Variants in KIF1B observed in about 807,000 individuals in gnomAD.
KIF1B encodes kinesin family member 1B, also known as kinesin-like protein KIF1B.
A neutral mutation model predicts 241.9 loss-of-function variants in KIF1B; 76 were observed. That is an observed-to-expected ratio of 0.31 (90% confidence interval 0.26 to 0.38). The LOEUF (loss-of-function observed/expected upper bound fraction) is 0.38. Ranked by LOEUF, KIF1B falls within the 10% of genes least tolerant of loss-of-function variation. KIF1B has a pLI of 1.00. For synonymous variants in KIF1B, 750 were observed against 796.7 expected, an observed-to-expected ratio of 0.94 and a Z score of 0.99; for missense variants, 1,622 against 2,271.4, an observed-to-expected ratio of 0.71 and a Z score of 5.81.
Position 10,377,075 on chromosome 1 carries a change from T to C in KIF1B, c.*488T>C. The C allele has an allele frequency of 3.9e-6, 1 of 253,210 alleles. No homozygotes were observed. Among genetic ancestry groups the C allele is most frequent in the Non-Finnish European group, 7.8e-6 (1 of 127,812 alleles). 15.7% of individuals were successfully genotyped at this position (253,210 alleles called of 1,614,324 possible). ...TGATATCACTTTAATTTTTCTTGGG[T>C]GGCTTAGAGACTAAGGGAGGAGACA... On this transcript the variant is annotated 3_prime_UTR_variant, in exon 49 of 49. Coordinates refer to ENST00000676179, the MANE Select transcript of KIF1B (RefSeq NM_001365951.3).
rs1652230632 is a variant in KIF1B at position 10,337,653 on chromosome 1, T to C, written c.3422+120T>C. 2.7e-6 allele frequency: 3 copies of C among 1,123,632 alleles called. No individual in the cohort carries two copies. Among genetic ancestry groups the C allele is most frequent in the Admixed American group, 3.9e-5 (2 of 51,158 alleles). 69.6% of individuals were successfully genotyped at this position (1,123,632 alleles called of 1,614,324 possible). ...CACTCTTGAGACAAAGACTGATCAG[T>C]CTCTGAAGGAAAATACTTTCATCAC... On this transcript the variant is annotated intron_variant, in intron 31 of 48. Coordinates refer to ENST00000676179, the MANE Select transcript of KIF1B (RefSeq NM_001365951.3). The surrounding 1 kb of genome is among the most constrained non-coding windows in gnomAD (Gnocchi z 4.0).
intron 4 of KIF1B, among the ~76,000 whole-genome samples, chr1:10,261,399 T>C (rs1648137752): frequency 6.6e-6 from 1 of 151,672 alleles, no homozygotes; most frequent in Non-Finnish European, 1.5e-5. Flanking sequence ...GCCTCCAGAA[T>C]AGCTGGGACT....
intron 1 of KIF1B, among the ~76,000 whole-genome samples, chr1:10,227,437 T>C (rs1646924588): frequency 1.3e-5 from 2 of 152,182 alleles, no homozygotes; most frequent in African/African-American, 2.4e-5. Context: ...AATTTGCCTG[T>C]TTATATCTTT....
rs191520245 is a variant in KIF1B at position 10,349,040 on chromosome 1, C to T, written c.3949+307C>T. Among the ~76,000 whole-genome samples the T allele has an allele frequency of 3.0e-4, 45 of 152,304 alleles. 1 individual carries two copies. The highest frequency in any genetic ancestry group is 2.6e-4 in the Admixed American group (4 of 15,300). On this transcript the variant is annotated intron_variant, in intron 37 of 48. Coordinates refer to ENST00000676179, the MANE Select transcript of KIF1B (RefSeq NM_001365951.3). The stretch of plus-strand genomic sequence containing the variant: ...ATGCAGAGGCCTTGAGTTTGAAACT[C>T]TGTATTCCTGTTTCTTCGCTCTGTC...
chr1:10,258,640 CAAG>C lies in KIF1B; in HGVS notation c.337_339del (p.Glu113del), dbSNP rs748722767. 2 of 1,613,878 alleles carry C rather than the reference CAAG, an allele frequency of 1.2e-6. No homozygotes were observed. The highest frequency in any genetic ancestry group is 1.7e-6 in the Non-Finnish European group (2 of 1,179,998). ...AAAATCTTATACAATGATGGGTAAA[CAAG>C]AAGAAAGCCAGGCTGGCATCATTCC... On this transcript the variant is annotated inframe_deletion, in exon 4 of 49. Transcript: ENST00000676179.
chr1:10,315,633 A>T (rs952561978), intron 22 of KIF1B, among the ~76,000 whole-genome samples: 1 of 151,590 alleles, frequency 6.6e-6, no homozygotes, highest in African/African-American at 2.4e-5. Context: ...GTCAAGGTTT[A>T]TATATTTCAT....
rs1180574645 is a variant in KIF1B, at chr1:10,378,065, AT to A, written c.*1479del. On this transcript the variant is annotated 3_prime_UTR_variant, in exon 49 of 49. Transcript: ENST00000676179. ...CTGAATCCAGCAGTTGTTTTCATTGATGCTTGTCAGGTTGAAGATGCTTTCA... is the reference window on the plus strand; with the variant it reads ...CTGAATCCAGCAGTTGTTTTCATTGAGCTTGTCAGGTTGAAGATGCTTTCA... The A allele has an allele frequency of 6.9e-6, 3 of 437,626 alleles. No homozygotes were observed. Among genetic ancestry groups the A allele is most frequent in the Non-Finnish European group, 1.2e-5 (3 of 244,770 alleles). 27.1% of individuals were successfully genotyped at this position (437,626 alleles called of 1,614,324 possible). A position where few individuals can be genotyped will look rare whatever the true frequency, so the allele number is the denominator to read the frequency against.
chr1:10,311,102 T>A (rs1651046060), intron 22 of KIF1B, among the ~76,000 whole-genome samples: 1 of 151,354 alleles, frequency 6.6e-6, no homozygotes, highest in Non-Finnish European at 1.5e-5. Context: ...ATTTACCCCC[T>A]TCTCTTTTAC....
chr1:10,353,390 A>G (rs930977063), intron 38 of KIF1B, among the ~76,000 whole-genome samples: 2 of 152,246 alleles, frequency 1.3e-5, no homozygotes, highest in African/African-American at 4.8e-5. Context: ...CGTAAAGTAC[A>G]TAGCCATTCT....
chr1:10,278,005 CAAATT>C lies in KIF1B; in HGVS notation c.1062_1066del (p.Ile354MetfsTer7). ...ATCTAGATATGCAGATCGTGCAAAA[CAAATT>C]AAATGCAATGCTGTTATCAATGAGG... On this transcript the variant is annotated frameshift_variant, in exon 13 of 49. Transcript: ENST00000676179. LOFTEE classifies it high-confidence loss of function. The C allele has an allele frequency of 6.2e-7, 1 of 1,613,820 alleles. No homozygotes were observed.
intron 1 of KIF1B, among the ~76,000 whole-genome samples, chr1:10,216,941 A>G: frequency 7.5e-6 from 1 of 133,704 alleles, no homozygotes; most frequent in East Asian, 2.3e-4. Context: ...TTTTCCCTGC[A>G]GTACTTGCCC....
In KIF1B at chr1:10,334,651, C is replaced by T. The variant is rs930962794; in HGVS notation, c.3043+13C>T. 1 of 1,591,282 alleles carries T rather than the reference C, an allele frequency of 6.3e-7. No homozygotes were observed. The highest frequency in any genetic ancestry group is 8.6e-7 in the Non-Finnish European group (1 of 1,159,482). On this transcript the variant is annotated intron_variant, in intron 28 of 48. Coordinates refer to ENST00000676179, the MANE Select transcript of KIF1B (RefSeq NM_001365951.3). Reference sequence around the variant, plus strand: ...CAGGCCATCGCAGGTAGGTGACCCTCTTCTGAAATGAGAGCTGTGAGTTCT... The same window carrying T: ...CAGGCCATCGCAGGTAGGTGACCCTTTTCTGAAATGAGAGCTGTGAGTTCT...
intron 22 of KIF1B, chr1:10,304,395 G>T: frequency 6.2e-7 from 1 of 1,614,114 alleles, no homozygotes; most frequent in East Asian, 2.2e-5. Context: ...CTGCCTCCGC[G>T]GAGTCATTAA....
chr1:10,273,158 T>G, intron 10 of KIF1B, 127 bp downstream of exon 10: 1 of 665,406 alleles, frequency 1.5e-6, no homozygotes, highest in Non-Finnish European at 2.5e-6. Flanking sequence ...TCTCTGGCTC[T>G]GGAATTTAGA....
intron 22 of KIF1B, among the ~76,000 whole-genome samples, chr1:10,311,330 T>C (rs1456397719): frequency 6.6e-6 from 1 of 150,392 alleles, no homozygotes; most frequent in Non-Finnish European, 1.5e-5. Context: ...TTCTCCTGCC[T>C]CCTGAGTAGC....
chr1:10,287,397 A>T (rs752299291), intron 15 of KIF1B, among the ~76,000 whole-genome samples: 2 of 152,108 alleles, frequency 1.3e-5, no homozygotes, highest in African/African-American at 4.8e-5. Flanking sequence ...GGGTTTCACC[A>T]TGTGAGCCAG....
At chr1:10,297,294 C>T in intron 22 of KIF1B, 48 bp downstream of exon 22, 1 of 1,511,002 alleles carries the variant, frequency 6.6e-7, no homozygotes, top group Non-Finnish European at 9.2e-7. Flanking sequence ...GCAGCTTGTT[C>T]CCATACTTTC....
chr1:10,276,272 T>C (rs758862703), intron 11 of KIF1B, 49 bp from the exon 12 acceptor site: 2 of 1,258,356 alleles, frequency 1.6e-6, no homozygotes, highest in Non-Finnish European at 2.3e-6. Context: ...TCCATAAAAT[T>C]TTTCTTCTAA....
At chr1:10,350,813 G>A (rs1652765056) in intron 37 of KIF1B, among the ~76,000 whole-genome samples, 1 of 151,820 alleles carries the variant, frequency 6.6e-6, no homozygotes, top group Non-Finnish European at 1.5e-5. Context: ...TAAGAACCTT[G>A]GGGCCAGGCA....
Sources: gnomAD v4.1 joint callset for allele counts (sites outside exome capture counted in the v4.1 genomes callset) on GRCh38, gnomAD v4.1.1 for gene constraint, Gnocchi (gnomAD v3.1) non-coding constraint, MANE v1.5 for transcripts, NCBI Gene and HGNC (gene_info 2026-07-23, HGNC 2026-07-21) for gene names.